Variants in NELL2 observed in about 807,000 individuals in gnomAD.
The protein encoded by NELL2 is protein kinase C-binding protein NELL2.
In NELL2, 41 loss-of-function variants were observed where a neutral mutation model predicts 109.6. That is an observed-to-expected ratio of 0.37 (90% confidence interval 0.29 to 0.49). NELL2 has a LOEUF of 0.49. Among genes scored for constraint, NELL2 ranks in the 20% least tolerant of loss-of-function variants. NELL2 has a pLI of 0.98. For synonymous variants in NELL2, 355 were observed against 344.7 expected (o/e 1.03, Z -0.33); for missense variants, 900 against 1,008.3 (o/e 0.89, Z 1.45).
upstream of NELL2, among the ~76,000 whole-genome samples, chr12:44,918,028 C>CATT (rs1592721271): frequency 6.6e-6 from 1 of 152,318 alleles, no homozygotes; most frequent in East Asian, 1.9e-4. Flanking sequence ...GTCCTTTCCT[C>CATT]TTGAAAATAA....
chr12:44,735,905 G>C (rs1349278035), intron 9 of NELL2, among the ~76,000 whole-genome samples: 1 of 150,202 alleles, frequency 6.7e-6, no homozygotes, highest in Non-Finnish European at 1.5e-5. Flanking sequence ...GAAAATAGAA[G>C]ACTATAACAC....
rs60110866 is a variant in NELL2 at position 44,572,871 on chromosome 12, T to C, written c.1663+34298A>G. 4.8e-3 allele frequency among the ~76,000 whole-genome samples: 730 copies of C among 152,304 alleles called. 6 individuals are homozygous for C. Among genetic ancestry groups the C allele is most frequent in the African/African-American group, 0.015 (622 of 41,564 alleles). ...GAGAGATTCTGAAATTTATCAGCAA[T>C]ACTGCCAGATTTGTCAAGAGATCTA... On this transcript the variant is annotated intron_variant, in intron 15 of 19. Transcript: ENST00000429094.
rs1281297428 is a variant in NELL2, at chr12:44,791,078, TATAC to T, written c.336-11060_336-11057del. On this transcript the variant is annotated intron_variant, in intron 3 of 19. Transcript: ENST00000429094. Reference sequence around the variant, plus strand: ...AAGAAAGTTCAAGTATATATATATATATACATATATATATATATGTATATATATA... The same window carrying T: ...AAGAAAGTTCAAGTATATATATATATATATATATATATATGTATATATATA... Among the ~76,000 whole-genome samples, 9 of 8,182 alleles carry T rather than the reference TATAC, an allele frequency of 1.1e-3. 1 individual carries two copies. The highest frequency in any genetic ancestry group is 2.0e-3 in the African/African-American group (9 of 4,464). The allele number at this position is 8,182 out of a possible 152,430, so 5.4% of individuals were successfully genotyped here. A position where few individuals can be genotyped will look rare whatever the true frequency, so the allele number is the denominator to read the frequency against.
At chr12:44,920,084 A>T (rs534173252) in intron 1 of NELL2, among the ~76,000 whole-genome samples, 1 of 152,348 alleles carries the variant, frequency 6.6e-6, no homozygotes, top group South Asian at 2.1e-4. Flanking sequence ...AGGAATAGTC[A>T]CAGAGAAAAA....
At chr12:44,721,017 A>G (rs1938740820) in intron 9 of NELL2, among the ~76,000 whole-genome samples, 1 of 152,200 alleles carries the variant, frequency 6.6e-6, no homozygotes, top group African/African-American at 2.4e-5. Context: ...ACCTCCCAGA[A>G]TAGAACAAGA....
chr12:44,729,379 G>A (rs1329298028), intron 9 of NELL2, among the ~76,000 whole-genome samples: 2 of 151,680 alleles, frequency 1.3e-5, no homozygotes, highest in African/African-American at 4.8e-5. Flanking sequence ...AGAATCAAAA[G>A]CGTGTCACAC....
At chr12:44,652,162 T>A (rs1413530251) in intron 13 of NELL2, among the ~76,000 whole-genome samples, 1 of 152,124 alleles carries the variant, frequency 6.6e-6, no homozygotes, top group Non-Finnish European at 1.5e-5. Flanking sequence ...TTCTCAACAA[T>A]CCTGCATTCT....
intron 1 of NELL2, among the ~76,000 whole-genome samples, chr12:44,903,827 G>A (rs1396189031): frequency 7.1e-6 from 1 of 141,384 alleles, no homozygotes; most frequent in Non-Finnish European, 1.5e-5. Context: ...TCATAAGTGG[G>A]ATTTGAACAA....
chr12:44,903,077 A>C (rs1347462539), intron 1 of NELL2, among the ~76,000 whole-genome samples: 2 of 152,228 alleles, frequency 1.3e-5, no homozygotes, highest in Non-Finnish European at 2.9e-5. Context: ...GAGCTTCTGC[A>C]CAGCAAAATA....
intron 19 of NELL2, among the ~76,000 whole-genome samples, chr12:44,510,556 C>G (rs1174268294): frequency 1.3e-5 from 2 of 152,196 alleles, no homozygotes; most frequent in Non-Finnish European, 2.9e-5. Flanking sequence ...CTAGCCTTTG[C>G]TAAAGCACAC....
intron 9 of NELL2, among the ~76,000 whole-genome samples, chr12:44,769,145 A>G (rs985624119): frequency 6.6e-6 from 1 of 152,130 alleles, no homozygotes; most frequent in African/African-American, 2.4e-5. Context: ...CAATCATTTA[A>G]TCTCCACTAC....
chr12:44,812,388 A>G (rs148559479), intron 3 of NELL2, among the ~76,000 whole-genome samples: 2 of 152,318 alleles, frequency 1.3e-5, no homozygotes, highest in African/African-American at 2.4e-5. Flanking sequence ...CTCTAAGGAC[A>G]CTTACTACCT....
At chr12:44,824,891 T>C (rs1566478508) in intron 2 of NELL2, among the ~76,000 whole-genome samples, 3 of 151,872 alleles carry the variant, frequency 2.0e-5, no homozygotes, top group Non-Finnish European at 4.4e-5. Flanking sequence ...TTTATACTTT[T>C]AGTAGAGGCG....
At chr12:44,510,738 A>C (rs148073034) in intron 19 of NELL2, among the ~76,000 whole-genome samples, 1 of 152,308 alleles carries the variant, frequency 6.6e-6, no homozygotes, top group East Asian at 1.9e-4. Flanking sequence ...CCAGCCCCTA[A>C]CATATTCCTA....
chr12:44,667,055 C>G (rs1947948477), intron 12 of NELL2, among the ~76,000 whole-genome samples: 1 of 152,190 alleles, frequency 6.6e-6, no homozygotes, highest in South Asian at 2.1e-4. Flanking sequence ...AAAATACTCC[C>G]AACGCAGTGC....
chr12:44,658,274 A>C (rs965956350), intron 13 of NELL2, among the ~76,000 whole-genome samples: 1 of 152,198 alleles, frequency 6.6e-6, no homozygotes, highest in Non-Finnish European at 1.5e-5. Flanking sequence ...TCAATGTGCA[A>C]AAATCAAAAG....
At chr12:44,565,950 T>C (rs745860601) in intron 15 of NELL2, among the ~76,000 whole-genome samples, 3 of 152,144 alleles carry the variant, frequency 2.0e-5, no homozygotes, top group South Asian at 4.1e-4. Flanking sequence ...GGAAGCAGGA[T>C]AGTGATTGGT....
At position 44,875,664 on chromosome 12, in the gene NELL2, A is replaced by C. The variant is rs548880142; in HGVS notation, c.55+151T>G. ...TCTCCAAGGCAAGCACAGAAAAAAA[A>C]AAAATCCATATCCAAACCCGCCCCC... On this transcript the variant is annotated intron_variant, in intron 1 of 19. Transcript: ENST00000429094. The C allele has an allele frequency of 4.0e-5, 64 of 1,584,832 alleles. No homozygotes were observed. In the African/African-American group the frequency reaches 8.4e-4, roughly 21 times the overall value.
chr12:44,820,749 T>C (rs1018072741), intron 2 of NELL2, among the ~76,000 whole-genome samples: 7 of 152,042 alleles, frequency 4.6e-5, no homozygotes, highest in Non-Finnish European at 8.8e-5. Flanking sequence ...TGAAAGGAAA[T>C]GCAGTGGAAG....
Sources: gnomAD v4.1 joint callset for allele counts (sites outside exome capture counted in the v4.1 genomes callset) on GRCh38, gnomAD v4.1.1 for gene constraint, MANE v1.5 for transcripts, NCBI Gene and HGNC (gene_info 2026-07-23, HGNC 2026-07-21) for gene names.